Variants in FREM2 observed in about 807,000 individuals in gnomAD.
FREM2 encodes FRAS1-related extracellular matrix protein 2.
FREM2 carries 119 observed loss-of-function variants against 219.9 expected under a neutral mutation model. The ratio of observed to expected loss-of-function variants is 0.54; its 90% CI spans 0.47 to 0.63. The LOEUF is 0.63. Ranked by LOEUF, FREM2 falls within the 30% of genes least tolerant of loss-of-function variation. The pLI is 0.00. For missense variants in FREM2, 4,030 were observed against 3,993.6 expected (o/e 1.01, Z -0.25); for synonymous variants, 1,562 against 1,522.8 (o/e 1.03, Z -0.60).
At chr13:38,716,755 G>T (rs1411482141) in intron 2 of FREM2, among the ~76,000 whole-genome samples, 1 of 152,216 alleles carries the variant, frequency 6.6e-6, no homozygotes, top group South Asian at 2.1e-4. Context: ...TAATCCTCCC[G>T]CCTCGGCCTC....
chr13:38,842,975 A>G (rs369328139), intron 6 of FREM2, among the ~76,000 whole-genome samples: 4 of 152,328 alleles, frequency 2.6e-5, no homozygotes, highest in African/African-American at 9.6e-5. Flanking sequence ...GCCTTGATCT[A>G]TGTCCTTTAT....
chr13:38,689,388 A>G lies in FREM2; in HGVS notation c.2044A>G (p.Asn682Asp). 6.2e-7 allele frequency: 1 copy of G among 1,613,960 alleles called. No individual in the cohort carries two copies. The highest frequency in any genetic ancestry group is 8.5e-7 in the Non-Finnish European group (1 of 1,179,980). ...AGTCCAGGATAACCATGACCCTCCT[A>G]ATCAGTCCGGGCTACAGCGGTTTGT... Reference protein sequence around the residue: ...FRVQDNHDPPNQSGLQRFVIR... With the variant: ...FRVQDNHDPPDQSGLQRFVIR... The change falls in exon 1 of 24, where the codon AAT becomes GAT. Residue 682 changes from asparagine (N) to aspartate (D), a missense_variant. By Grantham distance (23) the Asn-to-Asp change is conservative (BLOSUM62 1). Coordinates refer to ENST00000280481, the MANE Select transcript of FREM2 (RefSeq NM_207361.6).
intron 6 of FREM2, among the ~76,000 whole-genome samples, chr13:38,845,493 G>A (rs1002529784): frequency 6.6e-6 from 1 of 152,130 alleles, no homozygotes; most frequent in Non-Finnish European, 1.5e-5. Flanking sequence ...AAGTCAAAGG[G>A]TTGTTCACCT....
chr13:38,688,886 C>T lies in FREM2; in HGVS notation c.1542C>T (p.Ala514=), dbSNP rs12874397. Residue 514 remains alanine, a synonymous_variant, in exon 1 of 24, where the codon GCC becomes GCT. Coordinates refer to ENST00000280481, the MANE Select transcript of FREM2 (RefSeq NM_207361.6). ...PKSFTVAELA[A]GQVVYQHDDR... Reference sequence around the variant, plus strand: ...GCTTTACAGTGGCTGAGCTGGCAGCCGGCCAGGTGGTCTACCAGCATGATG... The same window carrying T: ...GCTTTACAGTGGCTGAGCTGGCAGCTGGCCAGGTGGTCTACCAGCATGATG... 370,813 of 1,611,830 alleles carry T rather than the reference C, an allele frequency of 0.23. 47,618 individuals carry two copies. The highest frequency in any genetic ancestry group is 0.27 in the Non-Finnish European group (315,124 of 1,178,708).
intron 6 of FREM2, among the ~76,000 whole-genome samples, chr13:38,797,558 G>C (rs556301100): frequency 6.6e-6 from 1 of 151,954 alleles, no homozygotes; most frequent in South Asian, 2.1e-4. Flanking sequence ...TCAATAGTTT[G>C]TCCCTTCACT....
intron 6 of FREM2, among the ~76,000 whole-genome samples, chr13:38,813,506 CT>C (rs1474395291): frequency 8.5e-4 from 9 of 10,546 alleles, no homozygotes; most frequent in Non-Finnish European, 1.0e-3. Flanking sequence ...CTCTCTCTCT[CT>C]CTCTCTCTCT....
rs1869507015 is a variant in FREM2 at position 38,687,396 on chromosome 13, A to G, written c.52A>G (p.Thr18Ala). 11 of 1,608,594 alleles carry G rather than the reference A, an allele frequency of 6.8e-6. No individual in the cohort carries two copies. The highest frequency in any genetic ancestry group is 1.3e-5 in the African/African-American group (1 of 74,828). The change falls in exon 1 of 24, where the codon ACC becomes GCC. Residue 18 changes from threonine to alanine, a missense_variant. Physicochemically the swap from Thr to Ala is moderately conservative, Grantham distance 58. This residue lies in a region of FREM2 where 3,102 missense variants were observed against 2,950.7 expected (regional missense o/e 1.05). Transcript: ENST00000280481. ...GLSSRRTGNS[T>A]SFQPGPPPPP... Reference sequence around the variant, plus strand: ...ATCCTCGCGCCGGACAGGCAACTCCACCAGCTTTCAACCAGGACCGCCACC... The same window carrying G: ...ATCCTCGCGCCGGACAGGCAACTCCGCCAGCTTTCAACCAGGACCGCCACC...
At position 38,861,501 on chromosome 13, in the gene FREM2, C is replaced by G; in HGVS notation, c.7590C>G (p.Gly2530=). The change falls in exon 15 of 24, where the codon GGC becomes GGG. Residue 2530 remains glycine (G), a synonymous_variant. Transcript: ENST00000280481. ...TCTCAGCTAAATTGCGCTACACAGGCCCTGAGGATGCAGACTACACAAACC... is the reference window on the plus strand; with the variant it reads ...TCTCAGCTAAATTGCGCTACACAGGGCCTGAGGATGCAGACTACACAAACC... ...EPFSAKLRYT[G]PEDADYTNLI... 8 of 1,613,514 alleles carry G rather than the reference C, an allele frequency of 5.0e-6. No homozygotes were observed. Among genetic ancestry groups the G allele is most frequent in the Non-Finnish European group, 6.8e-6 (8 of 1,179,762 alleles).
chr13:38,856,062 A>G, intron 11 of FREM2, 64 bp from the exon 12 acceptor site: 3 of 1,204,056 alleles, frequency 2.5e-6, no homozygotes, highest in East Asian at 2.6e-5. Context: ...AAAAAAAAAA[A>G]AAAAATAGAA....
chr13:38,721,323 G>A (rs1054118243), intron 2 of FREM2, among the ~76,000 whole-genome samples: 2 of 152,134 alleles, frequency 1.3e-5, no homozygotes, highest in African/African-American at 2.4e-5. Context: ...TTAGAGGCAG[G>A]ACAGTAGTAG....
chr13:38,848,407 AT>A (rs1289302562), intron 7 of FREM2, 53 bp from the exon 8 acceptor site: 1 of 1,219,774 alleles, frequency 8.2e-7, no homozygotes, highest in East Asian at 2.3e-5. Flanking sequence ...ATGTCTTATA[AT>A]TTTTTGAAAT....
At chr13:38,873,616 A>G (rs547173948) in intron 17 of FREM2, among the ~76,000 whole-genome samples, 4 of 72,686 alleles carry the variant, frequency 5.5e-5, no homozygotes, top group Middle Eastern at 5.5e-3. Context: ...AAAGTCCACA[A>G]GCATCAATCT....
chr13:38,784,410 G>C, intron 5 of FREM2, 147 bp from the exon 6 acceptor site: 1 of 784,042 alleles, frequency 1.3e-6, no homozygotes, highest in Non-Finnish European at 2.1e-6. Flanking sequence ...CATGATACTA[G>C]AACAGTACGT....
rs1303410732 is a variant in FREM2, at chr13:38,864,389, T to C, written c.7766T>C (p.Val2589Ala). ...TCCAACCTCCTGGATTATACTGAAG[T>C]GAAGACTCATTATGGTTTCTTGACT... ...KCSNLLDYTEVKTHYGFLTDA... is the reference protein window; with the variant it reads ...KCSNLLDYTEAKTHYGFLTDA... Residue 2589 changes from valine to alanine, a missense_variant, in exon 16 of 24, where the codon GTG (valine) becomes GCG (alanine). Val to Ala is a moderately conservative substitution (Grantham distance 64). Around this residue, in one of 2 missense-constraint regions of FREM2, gnomAD observed 928 missense variants for 1,042.9 expected, o/e 0.89. Coordinates refer to ENST00000280481, the MANE Select transcript of FREM2 (RefSeq NM_207361.6). 19 of 1,614,046 alleles carry C rather than the reference T, an allele frequency of 1.2e-5. No homozygotes were observed. Among genetic ancestry groups the C allele is most frequent in the Non-Finnish European group, 1.4e-5 (17 of 1,179,890 alleles).
At chr13:38,828,064 G>A (rs1235406086) in intron 6 of FREM2, among the ~76,000 whole-genome samples, 1 of 152,100 alleles carries the variant, frequency 6.6e-6, no homozygotes, top group Non-Finnish European at 1.5e-5. Flanking sequence ...TTAGTTTGAT[G>A]CATCTTTCCA....
At chr13:38,769,365 T>C (rs924339032) in intron 3 of FREM2, among the ~76,000 whole-genome samples, 1 of 152,118 alleles carries the variant, frequency 6.6e-6, no homozygotes, top group Admixed American at 6.5e-5. Context: ...AAAACCATAA[T>C]TGAGGCAAAA....
Position 38,688,518 on chromosome 13 carries a change from A to C in FREM2, c.1174A>C (p.Lys392Gln). The change falls in exon 1 of 24, where the codon AAG becomes CAG. Residue 392 changes from lysine (K) to glutamine (Q), a missense_variant. Coordinates refer to ENST00000280481, the MANE Select transcript of FREM2 (RefSeq NM_207361.6). ...CACTCAGAGGGATCTGCGGCTCCTG[A>C]AGATTGCCTACCAGCCCCCTTCTGA... ...SFTQRDLRLL[K>Q]IAYQPPSEDS... The C allele has an allele frequency of 1.9e-6, 3 of 1,613,962 alleles. No homozygotes were observed. Among genetic ancestry groups the C allele is most frequent in the Non-Finnish European group, 2.5e-6 (3 of 1,179,966 alleles).
intron 2 of FREM2, among the ~76,000 whole-genome samples, chr13:38,706,208 A>G (rs1422367086): frequency 1.3e-5 from 2 of 152,168 alleles, no homozygotes; most frequent in African/African-American, 2.4e-5. Flanking sequence ...TCAAAATATA[A>G]CCCTTCGAAA....
intron 6 of FREM2, among the ~76,000 whole-genome samples, chr13:38,812,426 T>C (rs972989087): frequency 6.6e-6 from 1 of 152,210 alleles, no homozygotes; most frequent in Non-Finnish European, 1.5e-5. Context: ...TGGTACGCTT[T>C]AATGTCTTGC....
Sources: allele counts gnomAD v4.1 joint callset (sites outside exome capture counted in the v4.1 genomes callset), GRCh38; gene constraint gnomAD v4.1.1; regional missense constraint gnomAD v4.1.1; transcripts MANE v1.5; gene names NCBI Gene and HGNC (gene_info 2026-07-23, HGNC 2026-07-21).